SV2C: variants seen among roughly 807,000 people sequenced by gnomAD.
SV2C encodes solute carrier family 22 member B3.
In SV2C, 49 loss-of-function variants were observed where a neutral mutation model predicts 79.7. That is an observed-to-expected ratio of 0.61 (90% CI 0.49 to 0.78). The LOEUF is 0.78. SV2C is among the 30% of genes least tolerant of loss of function. The probability of loss-of-function intolerance (pLI) is 0.00; values close to 1 mark genes in which losing one functional copy is unlikely to be tolerated. For synonymous variants in SV2C, 334 were observed against 333.2 expected (o/e 1.00, Z -0.03); for missense variants, 833 against 912.9 (o/e 0.91, Z 1.13).
At chr5:76,220,752 G>A (rs542066760) in intron 4 of SV2C, among the ~76,000 whole-genome samples, 10 of 152,232 alleles carry the variant, frequency 6.6e-5, no homozygotes, top group Non-Finnish European at 1.3e-4. Flanking sequence ...TGGTGTAGTA[G>A]CTCAGCGGTC....
chr5:76,133,259 G>A (rs1265288900), intron 2 of SV2C, among the ~76,000 whole-genome samples: 1 of 152,112 alleles, frequency 6.6e-6, no homozygotes, highest in East Asian at 1.9e-4. Context: ...ACGTTTATGT[G>A]CATGTTAAAT....
At position 76,112,834 on chromosome 5, in the gene SV2C, T is replaced by A. The variant is rs188045913; in HGVS notation, c.-101-18816T>A. ...GATGTCAATCATGTATTTCTGTCAG[T>A]CACAAAAGTGCCTTTATACCTTCCT... On this transcript the variant is annotated intron_variant, in intron 1 of 12. Transcript: ENST00000502798. 1.1e-4 allele frequency among the ~76,000 whole-genome samples: 16 copies of A among 152,292 alleles called. No homozygotes were observed. The East Asian group carries it at 3.1e-3, about 29-fold the overall frequency.
At chr5:76,067,655 G>T in the SV2C span, among the ~76,000 whole-genome samples, 7 of 151,612 alleles carry the variant, frequency 4.6e-5, no homozygotes, top group African/African-American at 1.7e-4. Context: ...GTTGTATGTT[G>T]TTAAATCTAT....
At chr5:76,092,090 A>T (rs1277311842) in intron 1 of SV2C, among the ~76,000 whole-genome samples, 1 of 152,236 alleles carries the variant, frequency 6.6e-6, no homozygotes, top group African/African-American at 2.4e-5. Context: ...TATTTAGTAG[A>T]ACCGATATAG....
At chr5:76,276,478 G>A (rs928169652) in intron 4 of SV2C, among the ~76,000 whole-genome samples, 2 of 152,118 alleles carry the variant, frequency 1.3e-5, no homozygotes, top group Admixed American at 1.3e-4. Context: ...TGGGACTACA[G>A]GCATGTGCCT....
the SV2C span, among the ~76,000 whole-genome samples, chr5:75,972,138 A>G: frequency 5.9e-5 from 9 of 152,170 alleles, no homozygotes; most frequent in African/African-American, 2.2e-4. Context: ...GAAAGCTGAA[A>G]CTGGATCCCT....
At chr5:76,164,156 C>T (rs545645366) in intron 2 of SV2C, among the ~76,000 whole-genome samples, 7 of 152,336 alleles carry the variant, frequency 4.6e-5, no homozygotes, top group African/African-American at 1.7e-4. Context: ...TACCTCCTTT[C>T]TTAAACTTCC....
At chr5:76,036,713 A>G in the SV2C span, among the ~76,000 whole-genome samples, 1 of 152,198 alleles carries the variant, frequency 6.6e-6, no homozygotes, top group South Asian at 2.1e-4. Context: ...GAATCTGACA[A>G]TTAGGTGTCT....
At chr5:76,227,258 C>T (rs1169352081) in intron 4 of SV2C, among the ~76,000 whole-genome samples, 7 of 152,214 alleles carry the variant, frequency 4.6e-5, no homozygotes, top group Non-Finnish European at 1.5e-5. Flanking sequence ...GCTGGGCCAG[C>T]TCCTTGCAGG....
the SV2C span, among the ~76,000 whole-genome samples, chr5:75,847,923 G>A: frequency 4.3e-4 from 65 of 152,276 alleles, no homozygotes; most frequent in African/African-American, 1.4e-3. Context: ...TCCCAGGTAC[G>A]ATCTAGAACA....
the SV2C span, among the ~76,000 whole-genome samples, chr5:75,883,027 A>G: frequency 1.8e-4 from 26 of 147,084 alleles, no homozygotes; most frequent in Admixed American, 1.4e-4. Flanking sequence ...AAAAGTGGGC[A>G]AAGGACATGA....
chr5:75,872,921 TAAAAA>T, the SV2C span, among the ~76,000 whole-genome samples: 1 of 150,748 alleles, frequency 6.6e-6, no homozygotes, highest in Non-Finnish European at 1.5e-5. Context: ...ATAATAAAAT[TAAAAA>T]AAGAAAAAGA....
At chr5:76,011,753 C>T in the SV2C span, among the ~76,000 whole-genome samples, 1 of 152,080 alleles carries the variant, frequency 6.6e-6, no homozygotes, top group African/African-American at 2.4e-5. Flanking sequence ...AATGCTATCC[C>T]TGTCCTAGCA....
chr5:76,169,955 A>G (rs2112266959), intron 2 of SV2C, among the ~76,000 whole-genome samples: 1 of 151,628 alleles, frequency 6.6e-6, no homozygotes, highest in Non-Finnish European at 1.5e-5. Context: ...AAGTCAAACT[A>G]TACAAGAAAG....
At chr5:76,074,715 C>T in the SV2C span, among the ~76,000 whole-genome samples, 6 of 152,198 alleles carry the variant, frequency 3.9e-5, no homozygotes, top group Non-Finnish European at 5.9e-5. Context: ...AGACCTCTTC[C>T]GAGTTTCTTT....
At chr5:76,015,482 A>G in the SV2C span, among the ~76,000 whole-genome samples, 3 of 152,134 alleles carry the variant, frequency 2.0e-5, no homozygotes, top group Admixed American at 2.0e-4. Context: ...CATCTTGCCT[A>G]TCTTTAGTAT....
the SV2C span, among the ~76,000 whole-genome samples, chr5:75,850,668 A>T: frequency 6.6e-6 from 1 of 152,102 alleles, no homozygotes; most frequent in Non-Finnish European, 1.5e-5. Context: ...GTATAAAAAG[A>T]ATTTACCGAG....
intron 12 of SV2C, among the ~76,000 whole-genome samples, chr5:76,303,931 T>G (rs758530205): frequency 2.6e-5 from 4 of 152,074 alleles, no homozygotes; most frequent in Non-Finnish European, 4.4e-5. Flanking sequence ...AGTATTTGGG[T>G]GGAATCTCCC....
chr5:76,292,900 C>G (rs140027558), intron 8 of SV2C, among the ~76,000 whole-genome samples: 2 of 152,318 alleles, frequency 1.3e-5, no homozygotes, highest in Non-Finnish European at 2.9e-5. Flanking sequence ...AGATAATACT[C>G]TACACTTTCA....
Sources: allele counts gnomAD v4.1 joint callset (sites outside exome capture counted in the v4.1 genomes callset), GRCh38; gene constraint gnomAD v4.1.1; transcripts MANE v1.5; gene names NCBI Gene and HGNC (gene_info 2026-07-23, HGNC 2026-07-21).